PRKAR1B: variants seen among roughly 807,000 people sequenced by gnomAD.
PRKAR1B encodes the protein protein kinase cAMP-dependent type I regulatory subunit beta.
A neutral mutation model predicts 46.5 loss-of-function variants in PRKAR1B; 22 were observed. The observed-to-expected ratio is 0.47, with a 90% CI of 0.34 to 0.68. The LOEUF (loss-of-function observed/expected upper bound fraction) is 0.68, where lower values mean the gene tolerates loss of function less well. PRKAR1B is among the 30% of genes least tolerant of loss of function. The probability of loss-of-function intolerance (pLI) is 0.01; values close to 1 mark genes in which losing one functional copy is unlikely to be tolerated. For missense variants in PRKAR1B, 445 were observed against 535.6 expected (o/e 0.83, Z 1.67); for synonymous variants, 259 against 217.7 (o/e 1.19, Z -1.67).
At chr7:603,823 G>C (rs1398582522) in intron 6 of PRKAR1B, among the ~76,000 whole-genome samples, 5 of 148,752 alleles carry the variant, frequency 3.4e-5, no homozygotes, top group Non-Finnish European at 7.5e-5. Flanking sequence ...AGTGGAGAGG[G>C]CGGGGGAGGA....
chr7:697,941 G>A (rs1486224026), intron 2 of PRKAR1B, among the ~76,000 whole-genome samples: 2 of 96,420 alleles, frequency 2.1e-5, no homozygotes, highest in African/African-American at 9.1e-5. Context: ...GGGAAGGGAA[G>A]GGACGGGAGG....
At chr7:630,950 ATT>A (rs71652939) in intron 4 of PRKAR1B, among the ~76,000 whole-genome samples, 43 of 137,212 alleles carry the variant, frequency 3.1e-4, no homozygotes, top group Non-Finnish European at 2.5e-4. Context: ...GCTGATTCGG[ATT>A]TTTTTTTTTT....
At position 602,316 on chromosome 7, in the gene PRKAR1B, C is replaced by T. The variant is rs1408090858; in HGVS notation, c.549+3877G>A. Among the ~76,000 whole-genome samples the T allele has an allele frequency of 1.9e-4, 29 of 149,082 alleles. No individual in the cohort carries two copies. The stretch of plus-strand genomic sequence containing the variant: ...GGGGGGGTCTGTCCTGCTGGAAGGA[C>T]GGAGGGAAGGGAGATGCCTCACTGA... On this transcript the variant is annotated intron_variant, in intron 6 of 10. Coordinates refer to ENST00000537384, the MANE Select transcript of PRKAR1B (RefSeq NM_001164760.2). The surrounding 1 kb of genome is among the most constrained non-coding windows in gnomAD (Gnocchi z 6.4).
intron 4 of PRKAR1B, among the ~76,000 whole-genome samples, chr7:653,776 G>A (rs919249329): frequency 6.6e-6 from 1 of 152,076 alleles, no homozygotes; most frequent in Non-Finnish European, 1.5e-5. Context: ...GGCCAAATGG[G>A]TTATATACAC....
chr7:594,387 G>C (rs938392819), intron 7 of PRKAR1B, among the ~76,000 whole-genome samples: 2 of 152,142 alleles, frequency 1.3e-5, no homozygotes, highest in Non-Finnish European at 2.9e-5. Flanking sequence ...CCCAGGCCCC[G>C]AAGGAGAGGG....
rs1491212420 is a variant in PRKAR1B, at chr7:685,307, CGT to C, written c.178-4583_178-4582del. Among the ~76,000 whole-genome samples, 56 of 8,350 alleles carry C rather than the reference CGT, an allele frequency of 6.7e-3. 10 individuals carry two copies. The highest frequency in any genetic ancestry group is 0.032 in the African/African-American group (47 of 1,476). 5.5% of individuals were successfully genotyped at this position (8,350 alleles called of 152,430 possible). A position where few individuals can be genotyped will look rare whatever the true frequency, so the allele number is the denominator to read the frequency against. ...ATATATATGTATACATATATATATACGTATATATACGTATATATACGTATATA... is the reference window on the plus strand; with the variant it reads ...ATATATATGTATACATATATATATACATATATACGTATATATACGTATATA... On this transcript the variant is annotated intron_variant, in intron 2 of 10. Coordinates refer to ENST00000537384, the MANE Select transcript of PRKAR1B (RefSeq NM_001164760.2).
intron 2 of PRKAR1B, among the ~76,000 whole-genome samples, chr7:682,168 C>T (rs1278959198): frequency 6.6e-6 from 1 of 152,166 alleles, no homozygotes; most frequent in African/African-American, 2.4e-5. Flanking sequence ...CACCGGGTAG[C>T]TCACAGGGAC....
chr7:632,550 T>C (rs1356410238), intron 4 of PRKAR1B, among the ~76,000 whole-genome samples: 2 of 152,300 alleles, frequency 1.3e-5, no homozygotes, highest in East Asian at 1.9e-4. Context: ...TTCTCTTCTG[T>C]GGGGATTCCC....
At chr7:579,153 T>A (rs1318250089) in intron 9 of PRKAR1B, 103 bp downstream of exon 9, 5 of 1,599,532 alleles carry the variant, frequency 3.1e-6, no homozygotes, top group Admixed American at 3.4e-5. Flanking sequence ...AGGGCAGCAC[T>A]GACTCCAGAG....
intron 9 of PRKAR1B, among the ~76,000 whole-genome samples, chr7:552,554 C>T (rs1169475229): frequency 6.6e-6 from 1 of 152,212 alleles, no homozygotes; most frequent in Non-Finnish European, 1.5e-5. Flanking sequence ...TGCTGCTTCT[C>T]CCGTTCCCGG....
At chr7:554,512 G>A (rs920613859) in intron 9 of PRKAR1B, among the ~76,000 whole-genome samples, 7 of 152,236 alleles carry the variant, frequency 4.6e-5, no homozygotes, top group African/African-American at 1.7e-4. Flanking sequence ...CAATGTTCAG[G>A]TGCTTTTGAC....
intron 8 of PRKAR1B, among the ~76,000 whole-genome samples, chr7:582,771 G>T (rs1780265845): frequency 6.6e-6 from 1 of 152,244 alleles, no homozygotes; most frequent in Non-Finnish European, 1.5e-5. Context: ...AGTGCCTGGT[G>T]GGCACCAGGG....
chr7:713,457 AC>A (rs2128531165), intron 1 of PRKAR1B, among the ~76,000 whole-genome samples: 1 of 147,582 alleles, frequency 6.8e-6, no homozygotes, highest in Admixed American at 6.8e-5. Context: ...TCTCCCACTC[AC>A]CCGTACACAC....
intron 4 of PRKAR1B, among the ~76,000 whole-genome samples, chr7:638,814 C>A (rs535921346): frequency 6.6e-6 from 1 of 152,330 alleles, no homozygotes; most frequent in South Asian, 2.1e-4. Context: ...CGGGGGCTCA[C>A]GCCTGTAGTC....
At chr7:725,497 G>T (rs1781229605) in intron 1 of PRKAR1B, among the ~76,000 whole-genome samples, 2 of 152,196 alleles carry the variant, frequency 1.3e-5, no homozygotes, top group Non-Finnish European at 2.9e-5. Context: ...CACAGTCAAG[G>T]TCACTACTGT....
At chr7:568,124 A>C (rs533015580) in intron 9 of PRKAR1B, among the ~76,000 whole-genome samples, 1 of 152,232 alleles carries the variant, frequency 6.6e-6, no homozygotes, top group Admixed American at 6.5e-5. Flanking sequence ...CTATGGCCTC[A>C]GCTCATACTG....
At chr7:672,908 G>A (rs570345050) in intron 4 of PRKAR1B, among the ~76,000 whole-genome samples, 2 of 151,724 alleles carry the variant, frequency 1.3e-5, no homozygotes, top group Non-Finnish European at 2.9e-5. Flanking sequence ...AGCCAGGCAT[G>A]GTGGTGCACA....
At chr7:699,962 G>A (rs949509307) in intron 2 of PRKAR1B, among the ~76,000 whole-genome samples, 14 of 152,196 alleles carry the variant, frequency 9.2e-5, no homozygotes, top group Admixed American at 4.6e-4. Context: ...TCATTCAGCC[G>A]AGGGGACAGC....
intron 8 of PRKAR1B, among the ~76,000 whole-genome samples, chr7:584,185 G>C (rs1780468003): frequency 6.6e-6 from 1 of 152,214 alleles, no homozygotes; most frequent in African/African-American, 2.4e-5. Flanking sequence ...TACACGGACT[G>C]GTGTGGAGGG....
Sources: allele counts gnomAD v4.1 joint callset (sites outside exome capture counted in the v4.1 genomes callset), GRCh38; gene constraint gnomAD v4.1.1; non-coding constraint Gnocchi (gnomAD v3.1); transcripts MANE v1.5; gene names NCBI Gene and HGNC (gene_info 2026-07-23, HGNC 2026-07-21).